Variants in PDZRN4 observed in about 807,000 individuals in gnomAD.
PDZRN4 encodes PDZ domain containing ring finger 4, also known as PDZ domain-containing RING finger protein 4.
Under a neutral mutation model 99.0 loss-of-function variants are expected in PDZRN4, and 70 were observed. That is an observed-to-expected ratio of 0.71 (90% CI 0.58 to 0.86). The LOEUF (loss-of-function observed/expected upper bound fraction) is 0.86, where lower values mean the gene tolerates loss of function less well. PDZRN4 is among the 40% of genes least tolerant of loss of function. The pLI, the probability that PDZRN4 is intolerant of heterozygous loss-of-function variation, is 0.00. For synonymous variants in PDZRN4, 551 were observed against 501.6 expected, an observed-to-expected ratio of 1.10 and a Z score of -1.32; for missense variants, 1,474 against 1,331.2, an observed-to-expected ratio of 1.11 and a Z score of -1.67.
intron 3 of PDZRN4, among the ~76,000 whole-genome samples, chr12:41,307,441 A>T (rs1951578429): frequency 6.6e-6 from 1 of 152,100 alleles, no homozygotes; most frequent in African/African-American, 2.4e-5. Context: ...ATCCCATCAC[A>T]AGGGCCCTAC....
chr12:41,555,909 T>C (rs1939152697), intron 7 of PDZRN4, 149 bp downstream of exon 7: 1 of 653,898 alleles, frequency 1.5e-6, no homozygotes, highest in Non-Finnish European at 2.7e-6. Context: ...TGCTGTCATT[T>C]AAAACTAATT....
intron 3 of PDZRN4, among the ~76,000 whole-genome samples, chr12:41,471,718 AATC>A (rs970149975): frequency 1.4e-5 from 2 of 147,678 alleles, no homozygotes; most frequent in Admixed American, 6.7e-5. Context: ...TAATAATAAT[AATC>A]ATTATAATAA....
chr12:41,464,556 G>C (rs1484108972), intron 3 of PDZRN4, among the ~76,000 whole-genome samples: 7 of 151,944 alleles, frequency 4.6e-5, no homozygotes, highest in Non-Finnish European at 7.4e-5. Context: ...TATTCTTTTT[G>C]GCATAAAATT....
intron 3 of PDZRN4, among the ~76,000 whole-genome samples, chr12:41,312,488 C>G (rs1951613827): frequency 1.3e-5 from 2 of 152,032 alleles, no homozygotes; most frequent in Non-Finnish European, 2.9e-5. Context: ...TCTCATGCCG[C>G]TAATAAAGAC....
intron 5 of PDZRN4, among the ~76,000 whole-genome samples, chr12:41,536,031 G>A (rs190569432): frequency 1.1e-4 from 16 of 152,186 alleles, no homozygotes; most frequent in Admixed American, 9.8e-4. Context: ...CTTCATTCTC[G>A]TGGTCTCCTA....
intron 3 of PDZRN4, among the ~76,000 whole-genome samples, chr12:41,328,398 A>C (rs759719133): frequency 2.0e-5 from 3 of 152,138 alleles, no homozygotes; most frequent in Non-Finnish European, 4.4e-5. Flanking sequence ...GTTTGGTGTC[A>C]CATGCCTGTA....
chr12:41,561,161 C>T (rs1486568576), intron 7 of PDZRN4, among the ~76,000 whole-genome samples: 4 of 152,074 alleles, frequency 2.6e-5, no homozygotes, highest in East Asian at 1.9e-4. Flanking sequence ...TCCTGATGGT[C>T]CTCTAAGAGT....
At chr12:41,320,368 G>A (rs888357164) in intron 3 of PDZRN4, among the ~76,000 whole-genome samples, 2 of 152,126 alleles carry the variant, frequency 1.3e-5, no homozygotes, top group Non-Finnish European at 2.9e-5. Context: ...GATTCCACTT[G>A]TTTTCATTTT....
intron 5 of PDZRN4, among the ~76,000 whole-genome samples, chr12:41,528,293 T>G (rs2120731668): frequency 6.6e-6 from 1 of 152,244 alleles, no homozygotes; most frequent in African/African-American, 2.4e-5. Context: ...GCACTTAAAC[T>G]TCATCTTCTG....
At chr12:41,208,763 G>C (rs1224932280) in intron 3 of PDZRN4, among the ~76,000 whole-genome samples, 1 of 151,564 alleles carries the variant, frequency 6.6e-6, no homozygotes, top group East Asian at 1.9e-4. Flanking sequence ...TTATTCTCTG[G>C]GTAGAAGGCA....
chr12:41,494,762 G>T (rs1937962131), intron 3 of PDZRN4, among the ~76,000 whole-genome samples: 1 of 152,066 alleles, frequency 6.6e-6, no homozygotes, highest in African/African-American at 2.4e-5. Context: ...TTAGGGTTTG[G>T]CCTTTCTACT....
chr12:41,388,126 T>C (rs1174724721), intron 3 of PDZRN4, among the ~76,000 whole-genome samples: 1 of 152,118 alleles, frequency 6.6e-6, no homozygotes, highest in Non-Finnish European at 1.5e-5. Flanking sequence ...TGCAGGGATA[T>C]GGGTGGAGCT....
At chr12:41,226,169 C>A (rs1047147654) in intron 3 of PDZRN4, among the ~76,000 whole-genome samples, 8 of 151,878 alleles carry the variant, frequency 5.3e-5, no homozygotes, top group Non-Finnish European at 7.4e-5. Flanking sequence ...AAATAAAGAC[C>A]TTTCCCTGGC....
intron 3 of PDZRN4, among the ~76,000 whole-genome samples, chr12:41,365,088 A>G (rs1185376268): frequency 6.7e-6 from 1 of 149,852 alleles, no homozygotes; most frequent in Non-Finnish European, 1.5e-5. Context: ...AAAGTCTTAC[A>G]TATTATCTAA....
intron 3 of PDZRN4, among the ~76,000 whole-genome samples, chr12:41,345,976 T>C (rs1951850774): frequency 2.0e-5 from 3 of 152,106 alleles, no homozygotes; most frequent in Non-Finnish European, 4.4e-5. Flanking sequence ...AAAACTAGTA[T>C]TTTTAGTGTT....
At chr12:41,214,736 G>T (rs1950910105) in intron 3 of PDZRN4, among the ~76,000 whole-genome samples, 1 of 151,786 alleles carries the variant, frequency 6.6e-6, no homozygotes, top group Non-Finnish European at 1.5e-5. Context: ...AGGGCTTAGA[G>T]AAATTAAGCA....
intron 3 of PDZRN4, among the ~76,000 whole-genome samples, chr12:41,233,011 C>G (rs1334235884): frequency 2.0e-5 from 3 of 152,032 alleles, no homozygotes; most frequent in African/African-American, 7.2e-5. Context: ...GGGCTCTGTT[C>G]TGTTCCATTG....
intron 5 of PDZRN4, among the ~76,000 whole-genome samples, chr12:41,540,746 T>C (rs1298019874): frequency 6.6e-6 from 1 of 152,214 alleles, no homozygotes; most frequent in African/African-American, 2.4e-5. Flanking sequence ...AAATATAGCC[T>C]CTCTATTAAA....
chr12:41,208,704 T>C (rs1161227591), intron 3 of PDZRN4, among the ~76,000 whole-genome samples: 1 of 151,968 alleles, frequency 6.6e-6, no homozygotes, highest in African/African-American at 2.4e-5. Context: ...GCATGCTATG[T>C]AGTACTTTCT....
Sources: gnomAD v4.1 joint callset for allele counts (sites outside exome capture counted in the v4.1 genomes callset) on GRCh38, gnomAD v4.1.1 for gene constraint, MANE v1.5 for transcripts, NCBI Gene and HGNC (gene_info 2026-07-23, HGNC 2026-07-21) for gene names.